The following ZNF385D variants were observed in gnomAD, a reference collection of about 807,000 sequenced individuals.
The protein encoded by ZNF385D is zinc finger protein 659.
In ZNF385D, 15 loss-of-function variants were observed where a neutral mutation model predicts 35.8. The ratio of observed to expected loss-of-function variants is 0.42; its 90% CI spans 0.28 to 0.64. ZNF385D has a LOEUF of 0.64. Among genes scored for constraint, ZNF385D ranks in the 30% least tolerant of loss-of-function variants. The pLI is 0.23. For synonymous variants in ZNF385D, 212 were observed against 186.8 expected (o/e 1.13, Z -1.10); for missense variants, 474 against 494.6 (o/e 0.96, Z 0.39).
At chr3:21,661,215 G>A (rs951470643) in intron 2 of ZNF385D, among the ~76,000 whole-genome samples, 12 of 152,096 alleles carry the variant, frequency 7.9e-5, no homozygotes, top group South Asian at 4.1e-4. Context: ...CGAATGCCTG[G>A]AATAGTTTGT....
chr3:21,705,201 C>T (rs1243173754), intron 1 of ZNF385D, among the ~76,000 whole-genome samples: 3 of 152,130 alleles, frequency 2.0e-5, no homozygotes, highest in Non-Finnish European at 4.4e-5. Flanking sequence ...TCTGCAAGTA[C>T]AATGCAGCTG....
At chr3:21,707,345 T>C (rs2067943689) in intron 1 of ZNF385D, among the ~76,000 whole-genome samples, 1 of 152,178 alleles carries the variant, frequency 6.6e-6, no homozygotes, top group South Asian at 2.1e-4. Flanking sequence ...TTTGGTACAG[T>C]AGGAAGTCAA....
At chr3:22,212,774 T>C (rs1056748613) in intron 2 of ZNF385D, among the ~76,000 whole-genome samples, 1 of 152,046 alleles carries the variant, frequency 6.6e-6, no homozygotes, top group Non-Finnish European at 1.5e-5. Flanking sequence ...GATAATAGTA[T>C]AGCTATAGTT....
chr3:21,528,460 C>T (rs1305791982), intron 3 of ZNF385D, among the ~76,000 whole-genome samples: 1 of 152,098 alleles, frequency 6.6e-6, no homozygotes, highest in Non-Finnish European at 1.5e-5. Context: ...ACTAAAAATT[C>T]CTAAGTGTAG....
chr3:22,334,625 G>C (rs1695084349), intron 2 of ZNF385D, among the ~76,000 whole-genome samples: 1 of 151,932 alleles, frequency 6.6e-6, no homozygotes, highest in African/African-American at 2.4e-5. Flanking sequence ...ATTTTCTTAG[G>C]TCTAAAATTC....
chr3:22,170,574 T>C (rs577386507), intron 2 of ZNF385D, among the ~76,000 whole-genome samples: 89 of 152,336 alleles, frequency 5.8e-4, no homozygotes, highest in Non-Finnish European at 1.1e-3. Context: ...AAGGAAACTC[T>C]ATCTCTCTTA....
At chr3:21,540,767 T>A (rs750939254) in intron 3 of ZNF385D, among the ~76,000 whole-genome samples, 2 of 152,330 alleles carry the variant, frequency 1.3e-5, no homozygotes, top group African/African-American at 4.8e-5. Flanking sequence ...ATGTTACTTA[T>A]GTGATTATGA....
At chr3:22,179,000 G>C (rs1695032100) in intron 2 of ZNF385D, among the ~76,000 whole-genome samples, 1 of 152,110 alleles carries the variant, frequency 6.6e-6, no homozygotes, top group Non-Finnish European at 1.5e-5. Flanking sequence ...TTGTAGTATA[G>C]TTTGAAGTCA....
intron 3 of ZNF385D, among the ~76,000 whole-genome samples, chr3:22,116,226 T>C (rs1242057213): frequency 1.3e-5 from 2 of 152,092 alleles, no homozygotes; most frequent in African/African-American, 4.8e-5. Flanking sequence ...TTGTATTCTC[T>C]CCTGAATCTA....
At chr3:22,182,294 T>C (rs1296893614) in intron 2 of ZNF385D, among the ~76,000 whole-genome samples, 1 of 152,132 alleles carries the variant, frequency 6.6e-6, no homozygotes, top group Non-Finnish European at 1.5e-5. Context: ...TAAAACAAAT[T>C]ACCACCTAAC....
At chr3:21,587,028 G>C (rs368217625) in intron 2 of ZNF385D, among the ~76,000 whole-genome samples, 5 of 152,074 alleles carry the variant, frequency 3.3e-5, no homozygotes, top group Non-Finnish European at 7.4e-5. Flanking sequence ...CCATGTAAAC[G>C]TATGAAAGAA....
chr3:21,519,117 A>T (rs1437940534), intron 3 of ZNF385D, among the ~76,000 whole-genome samples: 1 of 152,134 alleles, frequency 6.6e-6, no homozygotes, highest in African/African-American at 2.4e-5. Flanking sequence ...AGCTACGGGA[A>T]TAGAAAAAAA....
chr3:22,252,416 T>C (rs376000714), intron 2 of ZNF385D, among the ~76,000 whole-genome samples: 1 of 152,140 alleles, frequency 6.6e-6, no homozygotes, highest in Non-Finnish European at 1.5e-5. Context: ...TCTTGCCTTC[T>C]GATAAGTTAC....
At chr3:21,569,338 A>G (rs1248706486) in intron 2 of ZNF385D, among the ~76,000 whole-genome samples, 4 of 141,666 alleles carry the variant, frequency 2.8e-5, no homozygotes, top group African/African-American at 1.1e-4. Context: ...GTCTCTTTTG[A>G]TCTTTGTTGG....
At chr3:21,466,133 A>T (rs1329569741) in intron 4 of ZNF385D, among the ~76,000 whole-genome samples, 1 of 152,180 alleles carries the variant, frequency 6.6e-6, no homozygotes, top group African/African-American at 2.4e-5. Flanking sequence ...ATCTTCCATT[A>T]TACCACCCCA....
At chr3:22,322,900 C>A (rs1694507220) in intron 2 of ZNF385D, among the ~76,000 whole-genome samples, 1 of 152,060 alleles carries the variant, frequency 6.6e-6, no homozygotes, top group South Asian at 2.1e-4. Flanking sequence ...TGCTAACAGC[C>A]CTGGCTAAGT....
intron 3 of ZNF385D, among the ~76,000 whole-genome samples, chr3:21,802,296 T>C (rs2072441046): frequency 2.0e-5 from 3 of 152,190 alleles, no homozygotes; most frequent in African/African-American, 7.2e-5. Context: ...GCTTTAATCA[T>C]GATCATGGGG....
chr3:22,167,897 C>T (rs994276307), intron 3 of ZNF385D, among the ~76,000 whole-genome samples: 4 of 152,194 alleles, frequency 2.6e-5, no homozygotes, highest in Admixed American at 2.6e-4. Context: ...TTCATTCATA[C>T]TAAAATCAAA....
intron 2 of ZNF385D, among the ~76,000 whole-genome samples, chr3:22,270,849 C>T (rs919097286): frequency 1.3e-5 from 2 of 151,968 alleles, no homozygotes; most frequent in Non-Finnish European, 2.9e-5. Flanking sequence ...TGTTTTCTTT[C>T]TCTAATCTGA....
Sources: allele counts gnomAD v4.1 joint callset (sites outside exome capture counted in the v4.1 genomes callset), GRCh38; gene constraint gnomAD v4.1.1; transcripts MANE v1.5; gene names NCBI Gene and HGNC (gene_info 2026-07-23, HGNC 2026-07-21).